The following COL7A1 variants were observed in gnomAD, a reference collection of about 807,000 sequenced individuals.
COL7A1 encodes collagen alpha-1(VII) chain.
COL7A1 carries 296 observed loss-of-function variants against 456.2 expected under a neutral mutation model. The ratio of observed to expected loss-of-function variants is 0.65; its 90% CI spans 0.59 to 0.71. COL7A1 has a LOEUF of 0.71. Among genes scored for constraint, COL7A1 ranks in the 30% least tolerant of loss-of-function variants. The pLI, the probability that COL7A1 is intolerant of heterozygous loss-of-function variation, is 0.00. For missense variants in COL7A1, 3,441 were observed against 4,017.2 expected (o/e 0.86, Z 3.88); for synonymous variants, 1,464 against 1,525.9 (o/e 0.96, Z 0.95).
rs2044739404 is a variant in COL7A1, at chr3:48,581,281, A to G, written c.4878T>C (p.Pro1626=). The part of the protein sequence containing the change: ...GDPGRPGPPG[P]VGPRGRDGEV... ...TTACATCTCGTCCTCGGGGGCCAACAGGTCCTGGGGGGCCAGGCCGCCCAG... is the reference window on the plus strand; with the variant it reads ...TTACATCTCGTCCTCGGGGGCCAACGGGTCCTGGGGGGCCAGGCCGCCCAG... The change falls in exon 52 of 119, where the codon CCT becomes CCC. Residue 1626 remains proline, a synonymous_variant. Coordinates refer to ENST00000681320, the MANE Select transcript of COL7A1 (RefSeq NM_000094.4). The surrounding 1 kb of genome is among the most constrained non-coding windows in gnomAD (Gnocchi z 5.8). 2 of 1,613,350 alleles carry G rather than the reference A, an allele frequency of 1.2e-6. No individual in the cohort carries two copies. The highest frequency in any genetic ancestry group is 1.7e-6 in the Non-Finnish European group (2 of 1,179,858).
chr3:48,590,873 C>T lies in COL7A1; in HGVS notation c.1637-57G>A, dbSNP rs2045645646. 1.4e-5 allele frequency: 22 copies of T among 1,526,946 alleles called. No individual in the cohort carries two copies. The highest frequency in any genetic ancestry group is 5.0e-5 in the East Asian group (2 of 40,040). The allele number at this position is 1,526,946 out of a possible 1,614,324, so 94.6% of individuals were successfully genotyped here. On this transcript the variant is annotated intron_variant, in intron 13 of 118. Transcript: ENST00000681320. The surrounding 1 kb of genome is among the most constrained non-coding windows in gnomAD (Gnocchi z 4.6). ...GTCAGAAAGAGACAGGGATGTGGGA[C>T]GATGGCAGTGATGGACAGGGACGCA...
rs1204562015 is a variant in COL7A1 at position 48,594,788 on chromosome 3, A to C, written c.86-240T>G. On this transcript the variant is annotated intron_variant, in intron 2 of 118. Coordinates refer to ENST00000681320, the MANE Select transcript of COL7A1 (RefSeq NM_000094.4). This position sits in a 1 kb window ranked among gnomAD's most constrained non-coding sequence, Gnocchi z 5.5. ...GGGAGAGTCGCCAGCACGGGTGTGGACTTGGGACTGAGGTCAGCCTCTAGG... is the reference window on the plus strand; with the variant it reads ...GGGAGAGTCGCCAGCACGGGTGTGGCCTTGGGACTGAGGTCAGCCTCTAGG... 1.3e-5 allele frequency among the ~76,000 whole-genome samples: 2 copies of C among 152,050 alleles called. No homozygotes were observed. Among genetic ancestry groups the C allele is most frequent in the Non-Finnish European group, 2.9e-5 (2 of 68,010 alleles).
At position 48,575,783 on chromosome 3, in the gene COL7A1, C is replaced by T. The variant is rs186847424; in HGVS notation, c.5857-35G>A. ...AGCAAGAGGTCAGAGGAGCGGGGTG[C>T]GTCGCCGCAGCCCCTATGCCTGTGG... On this transcript the variant is annotated intron_variant, in intron 72 of 118. Coordinates refer to ENST00000681320, the MANE Select transcript of COL7A1 (RefSeq NM_000094.4). The surrounding 1 kb of genome is among the most constrained non-coding windows in gnomAD (Gnocchi z 6.3). The T allele has an allele frequency of 8.5e-4, 1,369 of 1,614,046 alleles. 12 individuals are homozygous for T. The African/African-American group carries it at 0.017, about 20-fold the overall frequency.
intron 44 of COL7A1, 51 bp downstream of exon 44, chr3:48,582,962 A>G: frequency 5.0e-6 from 8 of 1,613,894 alleles, no homozygotes; most frequent in Non-Finnish European, 6.8e-6. Flanking sequence ...TCAGAACCAG[A>G]AAGGGCACAG....
rs1331794244 is a variant in COL7A1, at chr3:48,569,845, C to T, written c.7521+35G>A. The stretch of plus-strand genomic sequence containing the variant: ...AATATCATACAAGATCCACTCACCC[C>T]CCCACTCATGCCAGGACCTTCCCCA... On this transcript the variant is annotated intron_variant, in intron 100 of 118. Transcript: ENST00000681320. This position sits in a 1 kb window ranked among gnomAD's most constrained non-coding sequence, Gnocchi z 4.9. 1.2e-6 allele frequency: 2 copies of T among 1,614,174 alleles called. No individual in the cohort carries two copies. Among genetic ancestry groups the T allele is most frequent in the South Asian group, 2.2e-5 (2 of 91,082 alleles).
rs756036466 is a variant in COL7A1, at chr3:48,579,458, C to T, written c.5271+22G>A. On this transcript the variant is annotated intron_variant, in intron 60 of 118. Transcript: ENST00000681320. The surrounding 1 kb of genome is among the most constrained non-coding windows in gnomAD (Gnocchi z 4.4). ...GAGGGTAAGATGGGGACTTGGCAGA[C>T]GGGGCAAAGTGCATCACTCACCTGT... 61 of 1,614,002 alleles carry T rather than the reference C, an allele frequency of 3.8e-5. No individual in the cohort carries two copies. In the East Asian group the frequency reaches 8.0e-4, roughly 21 times the overall value.
intron 37 of COL7A1, 117 bp downstream of exon 37, chr3:48,584,181 A>G (rs2045027836): frequency 6.4e-7 from 1 of 1,568,748 alleles, no homozygotes; most frequent in African/African-American, 1.4e-5. Flanking sequence ...CTGAGGCGTC[A>G]TGGTGAGGAT....
chr3:48,577,354 T>C (rs550304301), intron 65 of COL7A1, among the ~76,000 whole-genome samples: 43 of 152,352 alleles, frequency 2.8e-4, no homozygotes, highest in Admixed American at 9.1e-4. Flanking sequence ...TCTTAGTACA[T>C]GTACCCATGG....
In COL7A1 at chr3:48,567,438, G is replaced by C; in HGVS notation, c.8046+136C>G. ...TGACCCCAACCCACCTTGACACCTC[G>C]AGACCAGCCCCACTTCAGCCCCCAA... On this transcript the variant is annotated intron_variant, in intron 109 of 118. Transcript: ENST00000681320. This position sits in a 1 kb window ranked among gnomAD's most constrained non-coding sequence, Gnocchi z 4.3. The C allele has an allele frequency of 7.8e-7, 1 of 1,289,298 alleles. No homozygotes were observed. Among genetic ancestry groups the C allele is most frequent in the Non-Finnish European group, 1.1e-6 (1 of 902,992 alleles). 79.9% of individuals were successfully genotyped at this position (1,289,298 alleles called of 1,614,324 possible).
At position 48,594,369 on chromosome 3, in the gene COL7A1, G is replaced by A. The variant is rs1382309347; in HGVS notation, c.265C>T (p.Arg89Trp). 2.5e-6 allele frequency: 4 copies of A among 1,609,944 alleles called. No individual in the cohort carries two copies. The Admixed American group carries it at 6.7e-5, about 27-fold the overall frequency. The stretch of plus-strand genomic sequence containing the variant: ...CCAGCCCCCAGGGCCCCTACTCACC[G>A]TGGGTCATCGCTGTACTGCACTGTG... ...FATVQYSDDP[R>W]TEFGLDALGS... The change falls in exon 3 of 119, where the codon CGG becomes TGG. Residue 89 changes from arginine to tryptophan, a missense_variant and splice_region_variant. Physicochemically the swap from Arg to Trp is moderately radical, Grantham distance 101 (BLOSUM62 -3). Transcript: ENST00000681320. The surrounding 1 kb of genome is among the most constrained non-coding windows in gnomAD (Gnocchi z 5.5).
Position 48,572,688 on chromosome 3 carries a change from TG to T in COL7A1, c.6882del (p.Thr2295ArgfsTer93). On this transcript the variant is annotated frameshift_variant, in exon 88 of 119. Transcript: ENST00000681320. LOFTEE classifies it high-confidence loss of function. The surrounding 1 kb of genome is among the most constrained non-coding windows in gnomAD (Gnocchi z 4.6). ...AAGATCACCTGTCCAGGGGCCCCCG[TG>T]GGGCCAGGTTCTCCTTTAGGTCCGA... ...GPVGPKGEPG[P>X]TGAPGQAVVG... 6.2e-7 allele frequency: 1 copy of T among 1,606,218 alleles called. No homozygotes were observed. Among genetic ancestry groups the T allele is most frequent in the South Asian group, 1.1e-5 (1 of 89,964 alleles).
rs2532846 is a variant in COL7A1, at chr3:48,567,206, G to A, written c.8047-16C>T. On this transcript the variant is annotated splice_polypyrimidine_tract_variant and intron_variant, in intron 109 of 118. Transcript: ENST00000681320. This position sits in a 1 kb window ranked among gnomAD's most constrained non-coding sequence, Gnocchi z 4.3. Reference sequence around the variant, plus strand: ...CTCGGTCACCCTGGGAACAGAAGAAGCATGAGAGACCTTCTGCCCTGACCT... The same window carrying A: ...CTCGGTCACCCTGGGAACAGAAGAAACATGAGAGACCTTCTGCCCTGACCT... 4 of 1,613,714 alleles carry A rather than the reference G, an allele frequency of 2.5e-6. No individual in the cohort carries two copies. The highest frequency in any genetic ancestry group is 3.4e-6 in the Non-Finnish European group (4 of 1,179,940).
Position 48,587,659 on chromosome 3 carries a change from G to A in COL7A1, c.2858-105C>T. 2 of 1,602,242 alleles carry A rather than the reference G, an allele frequency of 1.2e-6. No individual in the cohort carries two copies. Among genetic ancestry groups the A allele is most frequent in the African/African-American group, 1.3e-5 (1 of 74,822 alleles). ...GGTTTGTCTTATTGAAGCATCATGGGAGGTCATGCTGGGGTCACCCAGGGT... is the reference window on the plus strand; with the variant it reads ...GGTTTGTCTTATTGAAGCATCATGGAAGGTCATGCTGGGGTCACCCAGGGT... On this transcript the variant is annotated intron_variant, in intron 22 of 118. Coordinates refer to ENST00000681320, the MANE Select transcript of COL7A1 (RefSeq NM_000094.4). The surrounding 1 kb of genome is among the most constrained non-coding windows in gnomAD (Gnocchi z 6.1).
rs767429430 is a variant in COL7A1 at position 48,569,582 on chromosome 3, G to T, written c.7614+10C>A. 2 of 1,613,668 alleles carry T rather than the reference G, an allele frequency of 1.2e-6. No homozygotes were observed. Among genetic ancestry groups the T allele is most frequent in the South Asian group, 2.2e-5 (2 of 91,072 alleles). ...CAGGGGAGACCCAGTCCACACGTGG[G>T]CCCACTCACCATGTCCCCCTTGGCA... On this transcript the variant is annotated intron_variant, in intron 102 of 118. Coordinates refer to ENST00000681320, the MANE Select transcript of COL7A1 (RefSeq NM_000094.4). The surrounding 1 kb of genome is among the most constrained non-coding windows in gnomAD (Gnocchi z 4.9).
At position 48,592,049 on chromosome 3, in the gene COL7A1, G is replaced by C. The variant is rs1233219749; in HGVS notation, c.1241-35C>G. On this transcript the variant is annotated intron_variant, in intron 10 of 118. Coordinates refer to ENST00000681320, the MANE Select transcript of COL7A1 (RefSeq NM_000094.4). This position sits in a 1 kb window ranked among gnomAD's most constrained non-coding sequence, Gnocchi z 7.6. Reference sequence around the variant, plus strand: ...GCACATGGGATGTCAGTGGCCTCCGGGCCTTGCCCTGCCTGCCCGTCCCAG... The same window carrying C: ...GCACATGGGATGTCAGTGGCCTCCGCGCCTTGCCCTGCCTGCCCGTCCCAG... 2 of 1,614,128 alleles carry C rather than the reference G, an allele frequency of 1.2e-6. No homozygotes were observed. The highest frequency in any genetic ancestry group is 1.7e-6 in the Non-Finnish European group (2 of 1,180,016).
chr3:48,586,702 G>C lies in COL7A1; in HGVS notation c.3277-13C>G, dbSNP rs769049495. On this transcript the variant is annotated splice_polypyrimidine_tract_variant and intron_variant, in intron 25 of 118. Coordinates refer to ENST00000681320, the MANE Select transcript of COL7A1 (RefSeq NM_000094.4). The surrounding 1 kb of genome is among the most constrained non-coding windows in gnomAD (Gnocchi z 5.1). ...ACAGCAGGCCAACCTGGGGTGGAAG[G>C]AAACACAGAGCCTGAGGAGGATGAC... The C allele has an allele frequency of 6.4e-7, 1 of 1,569,424 alleles. No individual in the cohort carries two copies. Among genetic ancestry groups the C allele is most frequent in the East Asian group, 2.4e-5 (1 of 42,334 alleles).
In COL7A1 at chr3:48,567,303, G is replaced by T; in HGVS notation, c.8047-113C>A. The T allele has an allele frequency of 7.6e-7, 1 of 1,321,298 alleles. No homozygotes were observed. The highest frequency in any genetic ancestry group is 1.2e-5 in the South Asian group (1 of 83,934). 81.8% of individuals were successfully genotyped at this position (1,321,298 alleles called of 1,614,324 possible). A position where few individuals can be genotyped will look rare whatever the true frequency, so the allele number is the denominator to read the frequency against. ...AATGCCCAAACCTTCTGTAACCCAA[G>T]CACCTGTGAGCCAACCAGATGTGAT... is the stretch of plus-strand genomic sequence containing the variant. On this transcript the variant is annotated intron_variant, in intron 109 of 118. Coordinates refer to ENST00000681320, the MANE Select transcript of COL7A1 (RefSeq NM_000094.4). This position sits in a 1 kb window ranked among gnomAD's most constrained non-coding sequence, Gnocchi z 4.3.
chr3:48,585,605 A>G lies in COL7A1; in HGVS notation c.3846T>C (p.Ala1282=), dbSNP rs2045187216. The G allele has an allele frequency of 6.2e-7, 1 of 1,613,800 alleles. No homozygotes were observed. The highest frequency in any genetic ancestry group is 8.5e-7 in the Non-Finnish European group (1 of 1,180,018). The part of the protein sequence containing the change: ...GDPGLPGRTG[A]PGPQGPPGSA... ...TTCCAGGGGGCCCCTGGGGGCCGGG[A>G]GCACCGGTCCTGCCCTGAAAGAAGA... Residue 1282 remains alanine (A), a synonymous_variant, in exon 32 of 119, where the codon GCT becomes GCC. Transcript: ENST00000681320. This position sits in a 1 kb window ranked among gnomAD's most constrained non-coding sequence, Gnocchi z 4.5.
Position 48,565,563 on chromosome 3 carries a change from C to T in COL7A1, c.8441-67G>A. On this transcript the variant is annotated intron_variant, in intron 115 of 118. Coordinates refer to ENST00000681320, the MANE Select transcript of COL7A1 (RefSeq NM_000094.4). This position sits in a 1 kb window ranked among gnomAD's most constrained non-coding sequence, Gnocchi z 4.5. Reference sequence around the variant, plus strand: ...TGGGCAGCCATCCCAGCCAACCCCCCTGAGAGGACCCCAGTTGATAGGCAG... The same window carrying T: ...TGGGCAGCCATCCCAGCCAACCCCCTTGAGAGGACCCCAGTTGATAGGCAG... The T allele has an allele frequency of 6.2e-7, 1 of 1,614,044 alleles. No individual in the cohort carries two copies. The highest frequency in any genetic ancestry group is 1.7e-5 in the Admixed American group (1 of 60,026).
Sources: allele counts gnomAD v4.1 joint callset (sites outside exome capture counted in the v4.1 genomes callset), GRCh38; gene constraint gnomAD v4.1.1; non-coding constraint Gnocchi (gnomAD v3.1); transcripts MANE v1.5; gene names NCBI Gene and HGNC (gene_info 2026-07-23, HGNC 2026-07-21).